Variants in YY1AP1 observed in about 807,000 individuals in gnomAD.
The protein encoded by YY1AP1 is YY1 associated protein 1.
In YY1AP1, 43 loss-of-function variants were observed where a neutral mutation model predicts 39.9. The ratio of observed to expected loss-of-function variants is 1.08; its 90% CI spans 0.84 to 1.39. The LOEUF (loss-of-function observed/expected upper bound fraction) is 1.39, where lower values mean the gene tolerates loss of function less well. Among genes scored for constraint, YY1AP1 ranks in the 40% most tolerant of loss-of-function variants. YY1AP1 has a pLI of 0.00. For missense variants in YY1AP1, 813 were observed against 900.7 expected, an observed-to-expected ratio of 0.90 and a Z score of 1.25; for synonymous variants, 292 against 331.3, an observed-to-expected ratio of 0.88 and a Z score of 1.29.
chr1:155,685,653 G>A (rs1652110961), intron 2 of YY1AP1, among the ~76,000 whole-genome samples: 1 of 152,146 alleles, frequency 6.6e-6, no homozygotes, highest in South Asian at 2.1e-4. Context: ...CTGTCAACAT[G>A]TTCAAATACT....
intron 5 of YY1AP1, among the ~76,000 whole-genome samples, chr1:155,675,749 C>T (rs1294314416): frequency 2.6e-5 from 4 of 152,188 alleles, no homozygotes; most frequent in East Asian, 1.9e-4. Flanking sequence ...TGAGCCACTG[C>T]ACCCAGCCAC....
chr1:155,684,653 T>C (rs983364245), intron 2 of YY1AP1, among the ~76,000 whole-genome samples: 4 of 151,540 alleles, frequency 2.6e-5, no homozygotes, highest in East Asian at 3.9e-4. Flanking sequence ...TCACTGCAAC[T>C]TCCCCCTCCC....
intron 4 of YY1AP1, among the ~76,000 whole-genome samples, chr1:155,678,491 G>A (rs1358554779): frequency 1.3e-5 from 2 of 152,064 alleles, no homozygotes; most frequent in Non-Finnish European, 1.5e-5. Context: ...AGGATGAATG[G>A]TTCCATTCTG....
At chr1:155,668,878 TC>T in intron 8 of YY1AP1, 101 bp from the exon 9 acceptor site, 1 of 1,563,662 alleles carries the variant, frequency 6.4e-7, no homozygotes. Context: ...TCTTACTTGT[TC>T]TTAAAACAAG....
intron 2 of YY1AP1, among the ~76,000 whole-genome samples, chr1:155,683,525 G>A (rs775052911): frequency 5.3e-5 from 8 of 151,794 alleles, no homozygotes; most frequent in Non-Finnish European, 1.2e-4. Flanking sequence ...GTGTAGTGGT[G>A]CGTGCCTGTA....
intron 6 of YY1AP1, among the ~76,000 whole-genome samples, chr1:155,674,142 C>A: frequency 8.4e-6 from 1 of 118,904 alleles, no homozygotes. Flanking sequence ...GCCTGGGCGA[C>A]AGAGCGAGAC....
chr1:155,660,530 T>C lies in YY1AP1; in HGVS notation c.1380A>G (p.Leu460=), dbSNP rs758201781. Residue 460 remains leucine (L), a synonymous_variant, in exon 11 of 11, where the codon TTA becomes TTG. Transcript: ENST00000355499. Reference sequence around the variant, plus strand: ...GTGGAGGGACACCTGGAACTGTCTGTAAAACAGTGGCTGGCTGTATTGGGT... The same window carrying C: ...GTGGAGGGACACCTGGAACTGTCTGCAAAACAGTGGCTGGCTGTATTGGGT... ...IPHPIQPATV[L]QTVPGVPPLG... The C allele has an allele frequency of 4.1e-5, 66 of 1,614,028 alleles. 1 individual carries two copies. The highest frequency in any genetic ancestry group is 2.3e-5 in the Non-Finnish European group (27 of 1,180,030).
intron 9 of YY1AP1, among the ~76,000 whole-genome samples, chr1:155,664,504 G>A (rs1437777133): frequency 6.6e-6 from 1 of 152,024 alleles, no homozygotes; most frequent in African/African-American, 2.4e-5. Context: ...GGAGGCCAAG[G>A]TGGGCAGATC....
chr1:155,688,215 G>A lies in YY1AP1; in HGVS notation c.-151-14C>T, dbSNP rs754899308. 6 of 1,613,746 alleles carry A rather than the reference G, an allele frequency of 3.7e-6. No individual in the cohort carries two copies. In the Admixed American group the frequency reaches 6.7e-5, roughly 18 times the overall value. ...CGGGTAAGCCGACTGGCGGAAATGC[G>A]AGAGAGGAGAAGGGAAAGGTGGAGG... On this transcript the variant is annotated splice_polypyrimidine_tract_variant and intron_variant, in intron 1 of 10. Transcript: ENST00000355499.
Position 155,660,204 on chromosome 1 carries a change from C to T in YY1AP1, c.1706G>A (p.Gly569Asp), listed in dbSNP as rs1647835675. The T allele has an allele frequency of 6.2e-7, 1 of 1,614,172 alleles. No individual in the cohort carries two copies. Among genetic ancestry groups the T allele is most frequent in the Non-Finnish European group, 8.5e-7 (1 of 1,180,026 alleles). Residue 569 changes from glycine to aspartate, a missense_variant, in exon 11 of 11, where the codon GGT becomes GAT. By Grantham distance (94) the Gly-to-Asp change is moderately conservative. This residue lies in a region of YY1AP1 where 586 missense variants were observed against 647.4 expected (regional missense o/e 0.91). Transcript: ENST00000355499. ...ATTVKIVSLG[G>D]GCNMIQPVNA... ...GACAGGCTGGATCATGTTACAGCCA[C>T]CGCCAAGGCTCACAATCTTCACAGT...
intron 9 of YY1AP1, among the ~76,000 whole-genome samples, chr1:155,662,473 C>T (rs1272101940): frequency 6.7e-6 from 1 of 150,244 alleles, no homozygotes; most frequent in Non-Finnish European, 1.5e-5. Context: ...CACTGCACTC[C>T]AGCGTTGGTA....
At chr1:155,668,898 C>T (rs1649450304) in intron 8 of YY1AP1, 121 bp from the exon 9 acceptor site, 1 of 1,453,272 alleles carries the variant, frequency 6.9e-7, no homozygotes, top group Admixed American at 1.9e-5. Flanking sequence ...AGGTCTCACT[C>T]TGTCACCTGG....
At chr1:155,677,442 C>A (rs551726806) in intron 4 of YY1AP1, among the ~76,000 whole-genome samples, 1 of 152,006 alleles carries the variant, frequency 6.6e-6, no homozygotes, top group Non-Finnish European at 1.5e-5. Context: ...GATTACTATA[C>A]CTTTTCTATG....
At position 155,659,565 on chromosome 1, in the gene YY1AP1, C is replaced by T. The variant is rs927213545; in HGVS notation, c.*92G>A. The T allele has an allele frequency of 1.5e-4, 210 of 1,428,736 alleles. 3 individuals are homozygous for T. The Admixed American group carries it at 4.1e-3, about 28-fold the overall frequency. 88.5% of individuals were successfully genotyped at this position (1,428,736 alleles called of 1,614,324 possible). On this transcript the variant is annotated 3_prime_UTR_variant, in exon 11 of 11. Coordinates refer to ENST00000355499, the MANE Select transcript of YY1AP1 (RefSeq NM_139119.3). ...GTTGCAAAATCTGGGGTTTAAGTAC[C>T]CTTTAGGGGTTTCCTATTGGTTACA...
At chr1:155,679,366 AC>A (rs1384814737) in intron 4 of YY1AP1, 42 bp downstream of exon 4, 1 of 1,613,496 alleles carries the variant, frequency 6.2e-7, no homozygotes, top group Non-Finnish European at 8.5e-7. Flanking sequence ...TCAGAAATAA[AC>A]TCTTCCTCTA....
Position 155,663,668 on chromosome 1 carries a change from A to G in YY1AP1, c.880-2245T>C, listed in dbSNP as rs1052122829. 2.7e-5 allele frequency among the ~76,000 whole-genome samples: 4 copies of G among 150,684 alleles called. No individual in the cohort carries two copies. The South Asian group carries it at 8.4e-4, about 32-fold the overall frequency. ...TGGGAGGCAGAGGTTCCAGTGAGCCAAGATCACGCCATTGCACTCCAGCCT... is the reference window on the plus strand; with the variant it reads ...TGGGAGGCAGAGGTTCCAGTGAGCCGAGATCACGCCATTGCACTCCAGCCT... On this transcript the variant is annotated intron_variant, in intron 9 of 10. Transcript: ENST00000355499.
In YY1AP1 at chr1:155,661,550, C is replaced by CACACACA. The variant is rs1206217942; in HGVS notation, c.880-128_880-127insTGTGTGT. 1.4e-4 allele frequency: 207 copies of CACACACA among 1,448,806 alleles called. 1 individual carries two copies. The South Asian group carries it at 2.0e-3, about 14-fold the overall frequency. The allele number at this position is 1,448,806 out of a possible 1,614,324, so 89.7% of individuals were successfully genotyped here. On this transcript the variant is annotated intron_variant, in intron 9 of 10. Coordinates refer to ENST00000355499, the MANE Select transcript of YY1AP1 (RefSeq NM_139119.3). ...ACACACACACACACACACACACACA[C>CACACACA]AAGACCACATACACAAACATCCATG...
intron 6 of YY1AP1, among the ~76,000 whole-genome samples, chr1:155,674,495 G>A (rs1454249506): frequency 4.6e-5 from 7 of 152,074 alleles, no homozygotes; most frequent in African/African-American, 1.7e-4. Context: ...AAGAAGTCAG[G>A]GTGAATCTAA....
intron 4 of YY1AP1, among the ~76,000 whole-genome samples, chr1:155,678,759 T>C (rs1342130262): frequency 6.6e-6 from 1 of 152,202 alleles, no homozygotes; most frequent in Non-Finnish European, 1.5e-5. Context: ...ACAGGACTAA[T>C]TACAGGGACT....
Sources: gnomAD v4.1 joint callset for allele counts (sites outside exome capture counted in the v4.1 genomes callset) on GRCh38, gnomAD v4.1.1 for gene constraint, gnomAD v4.1.1 regional missense constraint, MANE v1.5 for transcripts, NCBI Gene and HGNC (gene_info 2026-07-23, HGNC 2026-07-21) for gene names.